The following SCIN variants were observed in gnomAD, a reference collection of about 807,000 sequenced individuals.
SCIN encodes scinderin.
A neutral mutation model predicts 91.8 loss-of-function variants in SCIN; 91 were observed. That is an observed-to-expected ratio of 0.99 (90% CI 0.84 to 1.18). The LOEUF (loss-of-function observed/expected upper bound fraction) is 1.18. SCIN is among the 50% of genes most tolerant of loss of function. The pLI, the probability that SCIN is intolerant of heterozygous loss-of-function variation, is 0.00. For missense variants in SCIN, 1,087 were observed against 863.9 expected (o/e 1.26, Z -3.24); for synonymous variants, 367 against 312.6 (o/e 1.17, Z -1.84).
rs771548886 is a variant in SCIN at position 12,636,109 on chromosome 7, C to T, written c.1384C>T (p.Arg462Trp). ...TSAFLTVQLDRSLGGQAVQIR... is the reference protein window; with the variant it reads ...TSAFLTVQLDWSLGGQAVQIR... Reference sequence around the variant, plus strand: ...TGCGTTCCTGACTGTTCAGTTGGATCGGTCCCTTGGAGGACAGGCTGTGCA... The same window carrying T: ...TGCGTTCCTGACTGTTCAGTTGGATTGGTCCCTTGGAGGACAGGCTGTGCA... Residue 462 changes from arginine to tryptophan, a missense_variant, in exon 10 of 16, where the codon CGG becomes TGG. Physicochemically the swap from Arg to Trp is moderately radical, Grantham distance 101. Coordinates refer to ENST00000297029, the MANE Select transcript of SCIN (RefSeq NM_001112706.3). The T allele has an allele frequency of 3.7e-5, 60 of 1,612,764 alleles. No homozygotes were observed. In the African/African-American group the frequency reaches 5.3e-4, roughly 14 times the overall value.
intron 4 of SCIN, among the ~76,000 whole-genome samples, chr7:12,613,972 C>T (rs1783247968): frequency 6.6e-6 from 1 of 152,116 alleles, no homozygotes; most frequent in African/African-American, 2.4e-5. Flanking sequence ...TAAGTGAAGT[C>T]ATGTACCATG....
At chr7:12,644,557 C>A (rs750855061) in intron 12 of SCIN, 27 bp from the exon 13 acceptor site, 1 of 1,609,390 alleles carries the variant, frequency 6.2e-7, no homozygotes, top group Non-Finnish European at 8.5e-7. Context: ...TGAAAATGCA[C>A]TGGATAACTG....
intron 3 of SCIN, among the ~76,000 whole-genome samples, chr7:12,601,405 T>C (rs1782955492): frequency 6.6e-6 from 1 of 152,242 alleles, no homozygotes; most frequent in Non-Finnish European, 1.5e-5. Flanking sequence ...TTTACTCTTT[T>C]GAAAAATTGC....
intron 3 of SCIN, among the ~76,000 whole-genome samples, chr7:12,589,822 G>A (rs1392364339): frequency 1.3e-5 from 2 of 152,130 alleles, no homozygotes; most frequent in African/African-American, 4.8e-5. Context: ...CTGAGAGTTA[G>A]AAGGGGGCCT....
rs1690880737 is a variant in SCIN, at chr7:12,644,143, T to A, written c.1587T>A (p.Asp529Glu). 1 of 1,611,784 alleles carries A rather than the reference T, an allele frequency of 6.2e-7. No homozygotes were observed. The highest frequency in any genetic ancestry group is 2.2e-5 in the East Asian group (1 of 44,802). ...TATTTTTCTTCATATTCCAGGTTGA[T>A]GTTGATGCAAATTCACTGAATTCTA... ...LASITRIVEV[D>E]VDANSLNSND... Residue 529 changes from aspartate to glutamate, a missense_variant, in exon 12 of 16, where the codon GAT becomes GAA. Physicochemically the swap from Asp to Glu is conservative, Grantham distance 45 (BLOSUM62 2). Coordinates refer to ENST00000297029, the MANE Select transcript of SCIN (RefSeq NM_001112706.3).
chr7:12,644,421 A>T (rs1783917693), intron 12 of SCIN, 106 bp downstream of exon 12: 1 of 1,443,682 alleles, frequency 6.9e-7, no homozygotes, highest in Non-Finnish European at 9.3e-7. Flanking sequence ...ATAAGGGTTA[A>T]CAATCTCTCC....
rs1784199113 is a variant in SCIN at position 12,657,893 on chromosome 7, G to T, written c.*5178G>T. 6.6e-6 allele frequency: 1 copy of T among 151,958 alleles called. No individual in the cohort carries two copies. The highest frequency in any genetic ancestry group is 2.4e-5 in the African/African-American group (1 of 41,388). 9.4% of individuals were successfully genotyped at this position (151,958 alleles called of 1,614,324 possible). ...CTTCTATTATAGGAATAAGAATTCA[G>T]TAGTCATATTTCCTGTTGCCTATAA... is the stretch of plus-strand genomic sequence containing the variant. On this transcript the variant is annotated 3_prime_UTR_variant, in exon 16 of 16. Coordinates refer to ENST00000297029, the MANE Select transcript of SCIN (RefSeq NM_001112706.3).
At chr7:12,594,009 C>A (rs1782783671) in intron 3 of SCIN, among the ~76,000 whole-genome samples, 1 of 152,168 alleles carries the variant, frequency 6.6e-6, no homozygotes, top group Non-Finnish European at 1.5e-5. Flanking sequence ...AGACGTTCTT[C>A]AATCTGTAAG....
In SCIN at chr7:12,626,593, C is replaced by T; in HGVS notation, c.991C>T (p.Leu331Phe). The change falls in exon 8 of 16, where the codon CTT (leucine) becomes TTT (phenylalanine). Residue 331 changes from leucine to phenylalanine, a missense_variant. Transcript: ENST00000297029. ...TTATTTTAAATTTCAGATTCAAGTT[C>T]TTCCAGAAGGAGGTGAAACACCAAT... ...NYSKNTQIQV[L>F]PEGGETPIFK... 6.5e-7 allele frequency: 1 copy of T among 1,543,568 alleles called. No homozygotes were observed. The highest frequency in any genetic ancestry group is 8.8e-7 in the Non-Finnish European group (1 of 1,142,090).
At chr7:12,602,327 T>G (rs551001338) in intron 3 of SCIN, among the ~76,000 whole-genome samples, 1 of 152,276 alleles carries the variant, frequency 6.6e-6, no homozygotes, top group South Asian at 2.1e-4. Context: ...AAAGATCACA[T>G]GCTTCTGAGG....
chr7:12,640,547 C>G (rs769853353), intron 11 of SCIN, 30 bp downstream of exon 11: 2 of 1,561,000 alleles, frequency 1.3e-6, no homozygotes, highest in Non-Finnish European at 1.7e-6. Flanking sequence ...AAAACATGCC[C>G]TAGTTATGGA....
intron 11 of SCIN, among the ~76,000 whole-genome samples, chr7:12,642,284 G>A (rs1366658289): frequency 3.3e-5 from 5 of 151,734 alleles, no homozygotes; most frequent in East Asian, 1.9e-4. Flanking sequence ...TGTCTTTCCC[G>A]TGCATTTATT....
At chr7:12,638,263 G>A (rs1376735346) in intron 10 of SCIN, among the ~76,000 whole-genome samples, 3 of 152,052 alleles carry the variant, frequency 2.0e-5, no homozygotes, top group Non-Finnish European at 4.4e-5. Context: ...TTTTCCTACA[G>A]CTAGCTGGAA....
At chr7:12,639,854 G>T (rs1219812815) in intron 10 of SCIN, among the ~76,000 whole-genome samples, 2 of 152,116 alleles carry the variant, frequency 1.3e-5, no homozygotes, top group Non-Finnish European at 2.9e-5. Flanking sequence ...TAGAAATAAT[G>T]GGTATGATTT....
chr7:12,643,135 T>C (rs992892005), intron 11 of SCIN, among the ~76,000 whole-genome samples: 1 of 152,198 alleles, frequency 6.6e-6, no homozygotes, highest in African/African-American at 2.4e-5. Flanking sequence ...TTGTGAGACC[T>C]CATCAGCTGC....
intron 4 of SCIN, among the ~76,000 whole-genome samples, chr7:12,607,472 C>T (rs980382067): frequency 6.6e-6 from 1 of 152,056 alleles, no homozygotes; most frequent in Admixed American, 6.6e-5. Context: ...TAAGAAAAAG[C>T]AAATGAAGAA....
rs149543811 is a variant in SCIN at position 12,634,596 on chromosome 7, T to C, written c.1320-1449T>C. ...AACTTTCAAAGTCTAAATCCAAGTT[T>C]AGTATTCCTGCTGCTAAGCTAACCA... On this transcript the variant is annotated intron_variant, in intron 9 of 15. Transcript: ENST00000297029. Among the ~76,000 whole-genome samples, 180 of 152,360 alleles carry C rather than the reference T, an allele frequency of 1.2e-3. 1 individual carries two copies. Among genetic ancestry groups the C allele is most frequent in the African/African-American group, 4.3e-3 (178 of 41,588 alleles).
chr7:12,618,684 G>T (rs1458758767), intron 4 of SCIN, among the ~76,000 whole-genome samples: 1 of 152,032 alleles, frequency 6.6e-6, no homozygotes, highest in South Asian at 2.1e-4. Flanking sequence ...AAAATGCCTT[G>T]CAGCAAGTAA....
At chr7:12,609,596 G>A (rs566858620) in intron 4 of SCIN, among the ~76,000 whole-genome samples, 92 of 152,052 alleles carry the variant, frequency 6.1e-4, no homozygotes, top group Non-Finnish European at 1.1e-3. Context: ...CCAGCATCTG[G>A]TAGATATAAA....
Sources: gnomAD v4.1 joint callset for allele counts (sites outside exome capture counted in the v4.1 genomes callset) on GRCh38, gnomAD v4.1.1 for gene constraint, MANE v1.5 for transcripts, NCBI Gene and HGNC (gene_info 2026-07-23, HGNC 2026-07-21) for gene names.